Variants in SCGB2B2 observed in about 807,000 individuals in gnomAD.
SCGB2B2 encodes the protein secretoglobin family 2B member 2, also known as secretoglobin-like protein.
In SCGB2B2, 11 loss-of-function variants were observed where a neutral mutation model predicts 7.6. The observed-to-expected ratio is 1.45, with a 90% CI of 0.91 to 2.40. SCGB2B2 has a LOEUF of 2.40. Among genes scored for constraint, SCGB2B2 ranks in the 30% most tolerant of loss-of-function variants. The pLI, the probability that SCGB2B2 is intolerant of heterozygous loss-of-function variation, is 0.00. For missense variants in SCGB2B2, 104 were observed against 115.4 expected (o/e 0.90, Z 0.45); for synonymous variants, 50 against 48.6 (o/e 1.03, Z -0.12).
chr19:34,663,668 A>T (rs1346368896), intron 1 of SCGB2B2, among the ~76,000 whole-genome samples: 1 of 152,214 alleles, frequency 6.6e-6, no homozygotes, highest in Non-Finnish European at 1.5e-5. Context: ...CATCACAGAC[A>T]TCACTTAAGA....
rs34569420 is a variant in SCGB2B2, at chr19:34,611,653, ATTT to A, written c.-2031-15062_-2031-15060del. Among the ~76,000 whole-genome samples the A allele has an allele frequency of 1.0e-4, 14 of 136,904 alleles. No individual in the cohort carries two copies. The South Asian group carries it at 1.2e-3, about 11-fold the overall frequency. The allele number at this position is 136,904 out of a possible 152,430, so 89.8% of individuals were successfully genotyped here. A position where few individuals can be genotyped will look rare whatever the true frequency, so the allele number is the denominator to read the frequency against. ...GTTTCAATAAATTTTAAAATTTACT[ATTT>A]TTTTTTTTTTTGGGATGAAGTCTCG... On this transcript the variant is annotated intron_variant, in intron 1 of 3. Transcript: ENST00000601241.
intron 1 of SCGB2B2, among the ~76,000 whole-genome samples, chr19:34,666,225 CAAG>C (rs1171383779): frequency 6.6e-6 from 1 of 152,066 alleles, no homozygotes; most frequent in Non-Finnish European, 1.5e-5. Flanking sequence ...CTCTCTCAGA[CAAG>C]GAGGGCAGAG....
At chr19:34,660,699 T>C (rs976232126) in intron 1 of SCGB2B2, among the ~76,000 whole-genome samples, 16 of 152,230 alleles carry the variant, frequency 1.1e-4, no homozygotes, top group African/African-American at 3.9e-4. Context: ...GTTCAACCAT[T>C]GTGGAAGACA....
chr19:34,610,653 G>A (rs1170350861), intron 1 of SCGB2B2, among the ~76,000 whole-genome samples: 3 of 151,982 alleles, frequency 2.0e-5, no homozygotes, highest in Admixed American at 6.6e-5. Context: ...TGTATTCCTG[G>A]GAGAAATCCC....
intron 1 of SCGB2B2, among the ~76,000 whole-genome samples, chr19:34,612,339 A>T (rs745648662): frequency 9.2e-5 from 14 of 152,116 alleles, no homozygotes; most frequent in Non-Finnish European, 1.6e-4. Flanking sequence ...GCCTGGCTGA[A>T]AATTTATCTT....
chr19:34,674,666 C>T (rs1409708561), intron 1 of SCGB2B2, among the ~76,000 whole-genome samples: 1 of 152,080 alleles, frequency 6.6e-6, no homozygotes, highest in Non-Finnish European at 1.5e-5. Flanking sequence ...TGCCTCATAA[C>T]GAATTGGGGT....
intron 1 of SCGB2B2, among the ~76,000 whole-genome samples, chr19:34,598,120 C>G (rs2065514080): frequency 1.3e-5 from 2 of 152,178 alleles, no homozygotes; most frequent in Non-Finnish European, 2.9e-5. Context: ...GAATGCAGGC[C>G]TTGCCTGAGG....
Position 34,640,976 on chromosome 19 carries a change from A to G in SCGB2B2, c.-2032+34654T>C, listed in dbSNP as rs564304849. On this transcript the variant is annotated intron_variant, in intron 1 of 3. Coordinates refer to ENST00000601241, the MANE Select transcript of SCGB2B2 (RefSeq NM_001025591.4). ...ACTAATTTGAGGTCTCCCCTTCTCA[A>G]TTTTTCCTTCTTTATAGGTACTATT... Among the ~76,000 whole-genome samples the G allele has an allele frequency of 4.6e-5, 7 of 152,026 alleles. No individual in the cohort carries two copies. The South Asian group carries it at 1.5e-3, about 32-fold the overall frequency.
At chr19:34,586,968 C>T (rs542628130), downstream of SCGB2B2, among the ~76,000 whole-genome samples, 4 of 152,294 alleles carry the variant, frequency 2.6e-5, no homozygotes, top group South Asian at 4.1e-4. Context: ...AGTGCAATGA[C>T]GTGCTCTCGG....
intron 1 of SCGB2B2, among the ~76,000 whole-genome samples, chr19:34,640,137 G>T (rs1458323203): frequency 1.3e-5 from 2 of 152,170 alleles, no homozygotes; most frequent in African/African-American, 4.8e-5. Context: ...TTGAGATAAG[G>T]TCTTGCTGTG....
chr19:34,657,017 T>G (rs187303214), intron 1 of SCGB2B2, among the ~76,000 whole-genome samples: 1 of 151,286 alleles, frequency 6.6e-6, no homozygotes, highest in Non-Finnish European at 1.5e-5. Flanking sequence ...ATGCATTAGA[T>G]ATATTTATAT....
chr19:34,589,033 A>G (rs751278142), downstream of SCGB2B2, among the ~76,000 whole-genome samples: 4 of 152,068 alleles, frequency 2.6e-5, no homozygotes, highest in African/African-American at 7.2e-5. Context: ...GGCACTGGGT[A>G]TGGACTCTGT....
chr19:34,604,873 TATAA>T (rs2065735480), intron 1 of SCGB2B2, among the ~76,000 whole-genome samples: 1 of 152,208 alleles, frequency 6.6e-6, no homozygotes, highest in Non-Finnish European at 1.5e-5. Context: ...TTTAATGAAG[TATAA>T]ATGACATATA....
At chr19:34,646,918 A>G (rs1028240823) in intron 1 of SCGB2B2, 2 of 151,394 alleles carry the variant, frequency 1.3e-5, no homozygotes, top group African/African-American at 4.9e-5. Context: ...ATGTGTACAC[A>G]TGTGTGTTTT....
intron 1 of SCGB2B2, among the ~76,000 whole-genome samples, chr19:34,649,778 T>G (rs145691644): frequency 6.9e-6 from 1 of 145,386 alleles, no homozygotes; most frequent in Non-Finnish European, 1.5e-5. Flanking sequence ...CACTTGAACC[T>G]AGGAGCTGAA....
At chr19:34,622,576 A>T (rs2066269374) in intron 1 of SCGB2B2, among the ~76,000 whole-genome samples, 1 of 152,216 alleles carries the variant, frequency 6.6e-6, no homozygotes, top group South Asian at 2.1e-4. Context: ...TAGGTACTTT[A>T]CTGAAGTTTG....
chr19:34,603,215 A>T (rs1233885526), intron 1 of SCGB2B2, among the ~76,000 whole-genome samples: 1 of 152,196 alleles, frequency 6.6e-6, no homozygotes, highest in South Asian at 2.1e-4. Context: ...TTTCAGTGTT[A>T]TTGGTGGGGT....
At chr19:34,598,995 C>T (rs1449717601) in intron 1 of SCGB2B2, among the ~76,000 whole-genome samples, 6 of 152,258 alleles carry the variant, frequency 3.9e-5, no homozygotes, top group Admixed American at 1.3e-4. Context: ...ATTGGCCCTG[C>T]GGCCAGGCTG....
chr19:34,645,723 G>C (rs1027618696), intron 1 of SCGB2B2: 1 of 407,818 alleles, frequency 2.5e-6, no homozygotes, highest in Non-Finnish European at 5.0e-6. Flanking sequence ...GTCCAGCTGG[G>C]TGAGAAAGAA....
Sources: allele counts gnomAD v4.1 joint callset (sites outside exome capture counted in the v4.1 genomes callset), GRCh38; gene constraint gnomAD v4.1.1; transcripts MANE v1.5; gene names NCBI Gene and HGNC (gene_info 2026-07-23, HGNC 2026-07-21).